Variants in CAPN2 observed in about 807,000 individuals in gnomAD.
CAPN2 encodes the protein calpain 2.
A neutral mutation model predicts 102.3 loss-of-function variants in CAPN2; 92 were observed. That is an observed-to-expected ratio of 0.90 (90% CI 0.76 to 1.07). The LOEUF is 1.07. Among genes scored for constraint, CAPN2 ranks in the 50% least tolerant of loss-of-function variants. The pLI, the probability that CAPN2 is intolerant of heterozygous loss-of-function variation, is 0.00. For missense variants in CAPN2, 800 were observed against 909.4 expected (o/e 0.88, Z 1.55); for synonymous variants, 340 against 355.4 (o/e 0.96, Z 0.49).
rs776439801 is a variant in CAPN2 at position 223,739,081 on chromosome 1, C to T, written c.308-5019C>T. Among the ~76,000 whole-genome samples, 72 of 151,996 alleles carry T rather than the reference C, an allele frequency of 4.7e-4. 2 individuals are homozygous for T. Among genetic ancestry groups the T allele is most frequent in the Non-Finnish European group, 1.6e-4 (11 of 68,008 alleles). On this transcript the variant is annotated intron_variant, in intron 2 of 20. Coordinates refer to ENST00000295006, the MANE Select transcript of CAPN2 (RefSeq NM_001748.5). ...TCGGGCACTCAGCTCCAGCTCACCA[C>T]GATCCAGGCACTCAAGTTCCCAAGA...
chr1:223,707,338 T>C (rs1352276767), intron 1 of CAPN2, among the ~76,000 whole-genome samples: 4 of 152,092 alleles, frequency 2.6e-5, no homozygotes, highest in African/African-American at 9.7e-5. Flanking sequence ...CCCAGGCAGT[T>C]CTGGATAATC....
chr1:223,749,066 A>G lies in CAPN2; in HGVS notation c.757A>G (p.Ile253Val). The change falls in exon 6 of 21, where the codon ATC becomes GTC. Residue 253 changes from isoleucine (I) to valine (V), a missense_variant. Transcript: ENST00000295006. ...DITSAADSEA[I>V]TFQKLVKGHA... ...CACCAGCGCCGCGGACTCGGAGGCC[A>G]TCACGTTTCAGAAGCTGGTGAAGGG... 1.2e-6 allele frequency: 2 copies of G among 1,614,134 alleles called. No homozygotes were observed. Among genetic ancestry groups the G allele is most frequent in the Non-Finnish European group, 1.7e-6 (2 of 1,179,966 alleles).
chr1:223,707,981 C>T (rs936089733), upstream of CAPN2, among the ~76,000 whole-genome samples: 3 of 152,312 alleles, frequency 2.0e-5, no homozygotes, highest in East Asian at 1.9e-4. Flanking sequence ...CCAAGAGCCT[C>T]GAGCCCAGAA....
chr1:223,759,415 C>T lies in CAPN2; in HGVS notation c.1463C>T (p.Thr488Ile). 1 of 1,614,194 alleles carries T rather than the reference C, an allele frequency of 6.2e-7. No homozygotes were observed. The highest frequency in any genetic ancestry group is 8.5e-7 in the Non-Finnish European group (1 of 1,180,042). ...GGAGAGTACATTCTCGTGCCTTCCA[C>T]CTTCGAACCCAACAAGGATGGGGAT... Reference protein sequence around the residue: ...PPGEYILVPSTFEPNKDGDFC... With the variant: ...PPGEYILVPSIFEPNKDGDFC... The change falls in exon 12 of 21, where the codon ACC (threonine) becomes ATC (isoleucine). Residue 488 changes from threonine (T) to isoleucine (I), a missense_variant. Transcript: ENST00000295006. This position sits in a 1 kb window ranked among gnomAD's most constrained non-coding sequence, Gnocchi z 4.6.
At chr1:223,761,657 A>G (rs779705080) in intron 13 of CAPN2, 40 bp downstream of exon 13, 2 of 1,566,512 alleles carry the variant, frequency 1.3e-6, no homozygotes, top group South Asian at 2.3e-5. Flanking sequence ...TCTGTCCTGG[A>G]CAATCCAGAG....
At chr1:223,760,754 A>G (rs1207637185) in intron 12 of CAPN2, among the ~76,000 whole-genome samples, 4 of 152,280 alleles carry the variant, frequency 2.6e-5, no homozygotes, top group South Asian at 2.1e-4. Flanking sequence ...TGAGCTCCCT[A>G]CCCCAAGAGG....
rs951974135 is a variant in CAPN2 at position 223,766,264 on chromosome 1, G to A, written c.1691-103G>A. ...ATTTAATATAATGGAAGTGGCTTCT[G>A]TATGTGAAGGGCACAGATAAAGAAT... On this transcript the variant is annotated intron_variant, in intron 15 of 20. Coordinates refer to ENST00000295006, the MANE Select transcript of CAPN2 (RefSeq NM_001748.5). 6.0e-6 allele frequency: 5 copies of A among 839,256 alleles called. No homozygotes were observed. In the African/African-American group the frequency reaches 6.6e-5, roughly 11 times the overall value. The allele number at this position is 839,256 out of a possible 1,614,324, so 52.0% of individuals were successfully genotyped here.
intron 15 of CAPN2, among the ~76,000 whole-genome samples, chr1:223,765,273 G>A (rs920694787): frequency 3.9e-5 from 6 of 152,352 alleles, no homozygotes; most frequent in African/African-American, 1.4e-4. Context: ...TCCAGGGCCA[G>A]CTGGGTCTTC....
Position 223,753,266 on chromosome 1 carries a change from G to A in CAPN2, c.1135+310G>A, listed in dbSNP as rs566154770. ...ATCATGACCTTCAGCCTGACCTTCC[G>A]CCATGCTCACGGAAGCAGTGCTCAA... On this transcript the variant is annotated intron_variant, in intron 9 of 20. Transcript: ENST00000295006. 3.3e-5 allele frequency among the ~76,000 whole-genome samples: 5 copies of A among 152,160 alleles called. No homozygotes were observed. In the South Asian group the frequency reaches 6.2e-4, roughly 19 times the overall value.
intron 1 of CAPN2, among the ~76,000 whole-genome samples, chr1:223,704,858 C>T (rs950387071): frequency 6.6e-6 from 1 of 152,186 alleles, no homozygotes; most frequent in Non-Finnish European, 1.5e-5. Flanking sequence ...ACAAATGTAA[C>T]CGAGGCAGGG....
chr1:223,719,440 G>A (rs1000881251), intron 2 of CAPN2, among the ~76,000 whole-genome samples: 3 of 152,150 alleles, frequency 2.0e-5, no homozygotes, highest in Admixed American at 6.5e-5. Flanking sequence ...TCAGAAGGCT[G>A]AGGCAGGAGA....
chr1:223,766,065 TGA>T (rs748712289), intron 15 of CAPN2, among the ~76,000 whole-genome samples: 1 of 152,220 alleles, frequency 6.6e-6, no homozygotes, highest in Non-Finnish European at 1.5e-5. Context: ...CAACTACAGG[TGA>T]CTTTATATCC....
chr1:223,709,661 C>CAAAAAAAAAAAAAAAAAAAAAA (rs779362608), upstream of CAPN2, among the ~76,000 whole-genome samples: 40 of 137,800 alleles, frequency 2.9e-4, no homozygotes, highest in African/African-American at 9.9e-4. Flanking sequence ...AACTCCATCT[C>CAAAAAAAAAAAAAAAAAAAAAA]AAAAAAAAAA....
chr1:223,765,029 G>A (rs904223629), intron 15 of CAPN2, among the ~76,000 whole-genome samples: 5 of 152,092 alleles, frequency 3.3e-5, no homozygotes, highest in Non-Finnish European at 7.4e-5. Flanking sequence ...AAAGAATCAC[G>A]CTGCATTTGT....
intron 2 of CAPN2, among the ~76,000 whole-genome samples, chr1:223,723,081 G>T (rs1660097652): frequency 6.6e-6 from 1 of 152,212 alleles, no homozygotes; most frequent in Non-Finnish European, 1.5e-5. Flanking sequence ...CCAGCACTTT[G>T]GGAGGCTGGG....
At position 223,759,502 on chromosome 1, in the gene CAPN2, C is replaced by T. The variant is rs1383170653; in HGVS notation, c.1529+21C>T. 1 of 1,602,128 alleles carries T rather than the reference C, an allele frequency of 6.2e-7. No individual in the cohort carries two copies. Among genetic ancestry groups the T allele is most frequent in the Middle Eastern group, 1.7e-4 (1 of 5,882 alleles). Reference sequence around the variant, plus strand: ...TACCAGTAGGCGGTTTGGTCCCTTCCTCTCCCCACCCTTCCCTGTCCCTCC... The same window carrying T: ...TACCAGTAGGCGGTTTGGTCCCTTCTTCTCCCCACCCTTCCCTGTCCCTCC... On this transcript the variant is annotated intron_variant, in intron 12 of 20. Transcript: ENST00000295006. This position sits in a 1 kb window ranked among gnomAD's most constrained non-coding sequence, Gnocchi z 4.6.
rs1240071727 is a variant in CAPN2 at position 223,745,293 on chromosome 1, T to C, written c.427-13T>C. 1 of 1,614,122 alleles carries C rather than the reference T, an allele frequency of 6.2e-7. No homozygotes were observed. Among genetic ancestry groups the C allele is most frequent in the South Asian group, 1.1e-5 (1 of 91,088 alleles). On this transcript the variant is annotated splice_polypyrimidine_tract_variant and intron_variant, in intron 3 of 20. Transcript: ENST00000295006. ...ACCAGCTCCTCCTGCAGCCCACCTC[T>C]CTTGTTCTGCAGTTCTGGCAATACG...
intron 6 of CAPN2, 137 bp from the exon 7 acceptor site, chr1:223,750,753 G>C (rs983836452): frequency 2.7e-6 from 2 of 737,444 alleles, no homozygotes; most frequent in African/African-American, 3.5e-5. Context: ...CTCATACATG[G>C]ACTCAACCCC....
chr1:223,729,024 A>G (rs1174086903), intron 2 of CAPN2, among the ~76,000 whole-genome samples: 1 of 151,950 alleles, frequency 6.6e-6, no homozygotes, highest in African/African-American at 2.4e-5. Context: ...CAGTCCCTCC[A>G]TTCTCGGTCC....
Sources: gnomAD v4.1 joint callset for allele counts (sites outside exome capture counted in the v4.1 genomes callset) on GRCh38, gnomAD v4.1.1 for gene constraint, Gnocchi (gnomAD v3.1) non-coding constraint, MANE v1.5 for transcripts, NCBI Gene and HGNC (gene_info 2026-07-23, HGNC 2026-07-21) for gene names.